The following DCC variants were observed in gnomAD, a reference collection of about 807,000 sequenced individuals.
DCC encodes netrin receptor DCC.
Under a neutral mutation model 172.5 loss-of-function variants are expected in DCC, and 58 were observed. The ratio of observed to expected loss-of-function variants is 0.34; its 90% CI spans 0.27 to 0.42. DCC has a LOEUF of 0.42. Among genes scored for constraint, DCC ranks in the 10% least tolerant of loss-of-function variants. DCC has a pLI of 1.00. For missense variants in DCC, 1,740 were observed against 1,791.0 expected, an observed-to-expected ratio of 0.97 and a Z score of 0.51; for synonymous variants, 709 against 644.5, an observed-to-expected ratio of 1.10 and a Z score of -1.52.
intron 12 of DCC, among the ~76,000 whole-genome samples, chr18:53,271,373 C>T (rs1445468695): frequency 6.6e-6 from 1 of 152,172 alleles, no homozygotes; most frequent in African/African-American, 2.4e-5. Flanking sequence ...AAATATACAT[C>T]ATCTGCCAGT....
intron 12 of DCC, among the ~76,000 whole-genome samples, chr18:53,225,636 G>A (rs1006419967): frequency 6.6e-6 from 1 of 152,136 alleles, no homozygotes; most frequent in Non-Finnish European, 1.5e-5. Flanking sequence ...AAGTATTGAG[G>A]ATTTCAAAAC....
At chr18:53,473,853 G>C (rs2045728347) in intron 25 of DCC, among the ~76,000 whole-genome samples, 2 of 152,126 alleles carry the variant, frequency 1.3e-5, no homozygotes, top group African/African-American at 4.8e-5. Flanking sequence ...CATGGAAGCT[G>C]AGGCTCTGAG....
intron 12 of DCC, among the ~76,000 whole-genome samples, chr18:53,301,442 A>G (rs1340281689): frequency 6.6e-6 from 1 of 152,144 alleles, no homozygotes; most frequent in Non-Finnish European, 1.5e-5. Flanking sequence ...CTCAAAAAAA[A>G]AAAACAAACA....
intron 2 of DCC, among the ~76,000 whole-genome samples, chr18:52,846,204 C>CTAT (rs1463223660): frequency 1.3e-5 from 2 of 152,092 alleles, no homozygotes; most frequent in African/African-American, 4.8e-5. Flanking sequence ...GGCTACAGTA[C>CTAT]TATGAAAGGG....
chr18:53,335,218 C>T (rs932804801), intron 14 of DCC, among the ~76,000 whole-genome samples: 1 of 152,186 alleles, frequency 6.6e-6, no homozygotes, highest in Non-Finnish European at 1.5e-5. Flanking sequence ...GTTTGCTTGA[C>T]TGGCCCTTTC....
intron 3 of DCC, among the ~76,000 whole-genome samples, chr18:52,910,146 A>T (rs2039950798): frequency 6.6e-6 from 1 of 152,146 alleles, no homozygotes; most frequent in African/African-American, 2.4e-5. Flanking sequence ...CTAAGGCAAC[A>T]TCAGAGAAGA....
At chr18:52,506,931 G>A (rs930237431) in intron 1 of DCC, among the ~76,000 whole-genome samples, 8 of 152,054 alleles carry the variant, frequency 5.3e-5, no homozygotes, top group East Asian at 3.9e-4. Context: ...TTAAATAATC[G>A]TATTTAAAGT....
intron 1 of DCC, among the ~76,000 whole-genome samples, chr18:52,477,681 T>A (rs1989133226): frequency 6.6e-6 from 1 of 152,128 alleles, no homozygotes. Context: ...TCTTCCAAAC[T>A]GCAAGGGCCT....
chr18:53,504,244 G>A (rs1487236001), intron 27 of DCC, among the ~76,000 whole-genome samples: 1 of 152,146 alleles, frequency 6.6e-6, no homozygotes, highest in African/African-American at 2.4e-5. Flanking sequence ...CCACTCGTAG[G>A]CTGCCATTGC....
intron 5 of DCC, among the ~76,000 whole-genome samples, chr18:52,960,973 C>T (rs1434784871): frequency 2.0e-5 from 3 of 152,130 alleles, no homozygotes; most frequent in Non-Finnish European, 4.4e-5. Context: ...AATTTCATTG[C>T]TTCCTATAAT....
chr18:52,962,883 C>G (rs2040865776), intron 5 of DCC, among the ~76,000 whole-genome samples: 1 of 142,872 alleles, frequency 7.0e-6, no homozygotes, highest in African/African-American at 2.6e-5. Flanking sequence ...CATGTTCTCA[C>G]TCATAGGTAG....
rs147294104 is a variant in DCC at position 53,503,499 on chromosome 18, AATGTAGAC to A, written c.4111+3995_4111+4002del. Among the ~76,000 whole-genome samples the A allele has an allele frequency of 3.5e-4, 54 of 152,330 alleles. No homozygotes were observed. In the East Asian group the frequency reaches 8.7e-3, roughly 24 times the overall value. On this transcript the variant is annotated intron_variant, in intron 27 of 28. Coordinates refer to ENST00000442544, the MANE Select transcript of DCC (RefSeq NM_005215.4). ...CAATCACTACACTTTGCAAATCACA[AATGTAGAC>A]ATGTAAGTGATTTGGCTTAGTCCAC... is the stretch of plus-strand genomic sequence containing the variant.
intron 1 of DCC, among the ~76,000 whole-genome samples, chr18:52,595,207 A>T (rs983947829): frequency 1.3e-5 from 2 of 152,210 alleles, no homozygotes; most frequent in Non-Finnish European, 2.9e-5. Context: ...GATGTTATCG[A>T]CTAACAAGTC....
intron 15 of DCC, among the ~76,000 whole-genome samples, chr18:53,344,922 T>C (rs1263135162): frequency 6.7e-6 from 1 of 149,338 alleles, no homozygotes; most frequent in Non-Finnish European, 1.5e-5. Context: ...AAAAGAAATA[T>C]GTCTTATAAG....
At chr18:53,331,048 A>G (rs1254788010) in intron 14 of DCC, among the ~76,000 whole-genome samples, 2 of 152,166 alleles carry the variant, frequency 1.3e-5, no homozygotes, top group Non-Finnish European at 2.9e-5. Context: ...TCATCCTTAC[A>G]TACGAACTCT....
chr18:53,340,292 A>G lies in DCC; in HGVS notation c.2359+385A>G, dbSNP rs192728179. On this transcript the variant is annotated intron_variant, in intron 15 of 28. Coordinates refer to ENST00000442544, the MANE Select transcript of DCC (RefSeq NM_005215.4). ...TAAAAAGAAAGTCAACACATTTTTC[A>G]TCTTTGTTGTTGTCACTGGGAAAAT... 2.6e-5 allele frequency among the ~76,000 whole-genome samples: 4 copies of G among 152,274 alleles called. No individual in the cohort carries two copies. In the East Asian group the frequency reaches 5.8e-4, roughly 22 times the overall value.
At chr18:52,875,357 C>G (rs1406647464) in intron 2 of DCC, among the ~76,000 whole-genome samples, 1 of 151,912 alleles carries the variant, frequency 6.6e-6, no homozygotes, top group Non-Finnish European at 1.5e-5. Flanking sequence ...TCAAACAGCA[C>G]TAAATGTAAC....
rs377371446 is a variant in DCC at position 52,720,815 on chromosome 18, A to C, written c.92-31239A>C. Among the ~76,000 whole-genome samples the C allele has an allele frequency of 3.3e-5, 5 of 152,214 alleles. No individual in the cohort carries two copies. In the East Asian group the frequency reaches 5.8e-4, roughly 18 times the overall value. ...CAAGTCTGTTTGATGTACTAGGTGC[A>C]CATGGGACCCCTTCCTCGGGATTTC... On this transcript the variant is annotated intron_variant, in intron 1 of 28. Transcript: ENST00000442544.
At chr18:53,048,512 T>C (rs1198575176) in intron 5 of DCC, among the ~76,000 whole-genome samples, 1 of 150,800 alleles carries the variant, frequency 6.6e-6, no homozygotes, top group Admixed American at 6.7e-5. Context: ...TGTGTGTGTG[T>C]GTGTGTGTGT....
Sources: allele counts gnomAD v4.1 joint callset (sites outside exome capture counted in the v4.1 genomes callset), GRCh38; gene constraint gnomAD v4.1.1; transcripts MANE v1.5; gene names NCBI Gene and HGNC (gene_info 2026-07-23, HGNC 2026-07-21).